The following EPB41L3 variants were observed in gnomAD, a reference collection of about 807,000 sequenced individuals.
The protein encoded by EPB41L3 is erythrocyte membrane protein band 4.1 like 3.
In EPB41L3, 57 loss-of-function variants were observed where a neutral mutation model predicts 127.1. The ratio of observed to expected loss-of-function variants is 0.45; its 90% confidence interval spans 0.36 to 0.56. EPB41L3 has a LOEUF of 0.56. EPB41L3 is among the 20% of genes least tolerant of loss of function. The pLI, the probability that EPB41L3 is intolerant of heterozygous loss-of-function variation, is 0.00. For missense variants in EPB41L3, 1,273 were observed against 1,372.2 expected, an observed-to-expected ratio of 0.93 and a Z score of 1.14; for synonymous variants, 572 against 549.5, an observed-to-expected ratio of 1.04 and a Z score of -0.57.
chr18:5,454,236 C>G (rs1228019487), intron 3 of EPB41L3, among the ~76,000 whole-genome samples: 1 of 132,144 alleles, frequency 7.6e-6, no homozygotes, highest in Non-Finnish European at 1.6e-5. Flanking sequence ...TTAATCCATA[C>G]TTGGAAAATG....
At chr18:5,605,768 C>G (rs759267227) in intron 3 of EPB41L3, among the ~76,000 whole-genome samples, 2 of 152,076 alleles carry the variant, frequency 1.3e-5, no homozygotes, top group Non-Finnish European at 2.9e-5. Flanking sequence ...AATACAAGTA[C>G]ATTCATCACT....
At position 5,424,166 on chromosome 18, in the gene EPB41L3, G is replaced by A. The variant is rs2077846210; in HGVS notation, c.1163+96C>T. 3 of 867,028 alleles carry A rather than the reference G, an allele frequency of 3.5e-6. No individual in the cohort carries two copies. In the East Asian group the frequency reaches 8.6e-5, roughly 25 times the overall value. The allele number at this position is 867,028 out of a possible 1,614,324, so 53.7% of individuals were successfully genotyped here. On this transcript the variant is annotated intron_variant, in intron 10 of 22. Coordinates refer to ENST00000341928, the MANE Select transcript of EPB41L3 (RefSeq NM_012307.5). The stretch of plus-strand genomic sequence containing the variant: ...TGGTGACAATGAACTTGAAGGGATA[G>A]AAAGAATAAAATTCCATATTTTTTA...
intron 1 of EPB41L3, among the ~76,000 whole-genome samples, chr18:5,515,283 TAA>T (rs1568471765): frequency 6.6e-6 from 1 of 152,200 alleles, no homozygotes; most frequent in Non-Finnish European, 1.5e-5. Flanking sequence ...TAGCATTCCC[TAA>T]AAAGTCTTCT....
chr18:5,474,067 TA>T (rs1398815304), intron 3 of EPB41L3, among the ~76,000 whole-genome samples: 1 of 151,798 alleles, frequency 6.6e-6, no homozygotes, highest in Non-Finnish European at 1.5e-5. Flanking sequence ...CTGTCTCTAC[TA>T]AAAATACAAA....
At chr18:5,516,357 C>CGGA (rs540777772) in intron 1 of EPB41L3, among the ~76,000 whole-genome samples, 111 of 152,290 alleles carry the variant, frequency 7.3e-4, no homozygotes, top group African/African-American at 2.6e-3. Flanking sequence ...TGCTATTTCC[C>CGGA]AGTGAGAGGA....
At chr18:5,570,577 TTTC>T (rs1349766294) in intron 3 of EPB41L3, among the ~76,000 whole-genome samples, 1 of 151,924 alleles carries the variant, frequency 6.6e-6, no homozygotes, top group African/African-American at 2.4e-5. Flanking sequence ...TTCTTTTTCT[TTTC>T]TTTTATTTTA....
At chr18:5,441,522 G>C (rs936375121) in intron 5 of EPB41L3, among the ~76,000 whole-genome samples, 1 of 150,330 alleles carries the variant, frequency 6.7e-6, no homozygotes, top group Non-Finnish European at 1.5e-5. Context: ...CTGGAGCGCA[G>C]TGGCGCGATC....
intron 1 of EPB41L3, among the ~76,000 whole-genome samples, chr18:5,493,136 T>C (rs2090790255): frequency 6.6e-6 from 1 of 152,214 alleles, no homozygotes; most frequent in African/African-American, 2.4e-5. Flanking sequence ...AATCTCCATC[T>C]CCTAACTAAA....
chr18:5,630,584 G>GC (rs943974939), upstream of EPB41L3: 1 of 505,314 alleles, frequency 2.0e-6, no homozygotes, highest in African/African-American at 2.0e-5. Flanking sequence ...GCTGGAAGGG[G>GC]CCGCCAGACC....
At chr18:5,553,170 T>C (rs2093988275) in intron 3 of EPB41L3, among the ~76,000 whole-genome samples, 1 of 152,218 alleles carries the variant, frequency 6.6e-6, no homozygotes. Context: ...TCTAAGAAGC[T>C]ACTAAAAGAC....
chr18:5,630,376 C>T (rs1389693242), upstream of EPB41L3: 1 of 518,446 alleles, frequency 1.9e-6, no homozygotes, highest in African/African-American at 1.9e-5. Context: ...AAGGCGCTCA[C>T]CTGAGTCACC....
intron 1 of EPB41L3, among the ~76,000 whole-genome samples, chr18:5,506,154 C>T (rs1445162466): frequency 6.6e-6 from 1 of 152,056 alleles, no homozygotes; most frequent in Admixed American, 6.5e-5. Context: ...CAGTGTACCT[C>T]CCAACTGGTC....
At chr18:5,503,278 C>T (rs577211963) in intron 1 of EPB41L3, among the ~76,000 whole-genome samples, 45 of 152,158 alleles carry the variant, frequency 3.0e-4, no homozygotes, top group East Asian at 5.8e-4. Flanking sequence ...CCTACATTAA[C>T]GTAACTGGAT....
rs1411662898 is a variant in EPB41L3 at position 5,397,037 on chromosome 18, G to C, written c.2841+21C>G. The C allele has an allele frequency of 6.4e-7, 1 of 1,556,440 alleles. No homozygotes were observed. Among genetic ancestry groups the C allele is most frequent in the Non-Finnish European group, 8.7e-7 (1 of 1,155,936 alleles). On this transcript the variant is annotated intron_variant, in intron 18 of 22. Coordinates refer to ENST00000341928, the MANE Select transcript of EPB41L3 (RefSeq NM_012307.5). The surrounding 1 kb of genome is among the most constrained non-coding windows in gnomAD (Gnocchi z 4.1). ...TATCAGTTTTATTTTAGTGATAAAA[G>C]TAACATTTACTACTAGTTACCTCAA...
chr18:5,395,485 T>C (rs576780923), intron 20 of EPB41L3, 124 bp downstream of exon 20: 121 of 837,366 alleles, frequency 1.4e-4, no homozygotes, highest in Admixed American at 2.7e-4. Flanking sequence ...CTTGCAGCTA[T>C]CCCGGCGTCC....
Position 5,542,676 on chromosome 18 carries a change from C to T in EPB41L3, c.-12+1237G>A, listed in dbSNP as rs567894941. 9.9e-5 allele frequency among the ~76,000 whole-genome samples: 15 copies of T among 152,248 alleles called. No homozygotes were observed. The South Asian group carries it at 1.0e-3, about 11-fold the overall frequency. Reference sequence around the variant, plus strand: ...CTTTATCATTCTATTTGTTCTGTTCCGCAACAATCTCTACCAACTTTAACC... The same window carrying T: ...CTTTATCATTCTATTTGTTCTGTTCTGCAACAATCTCTACCAACTTTAACC... On this transcript the variant is annotated intron_variant, in intron 1 of 22. Coordinates refer to ENST00000341928, the MANE Select transcript of EPB41L3 (RefSeq NM_012307.5).
chr18:5,433,578 T>C, intron 7 of EPB41L3, 22 bp from the exon 8 acceptor site: 1 of 1,590,170 alleles, frequency 6.3e-7, no homozygotes, highest in Non-Finnish European at 8.6e-7. Context: ...AAAAATATGT[T>C]ACAATGATGC....
At chr18:5,495,429 C>CAAG (rs33932743) in intron 1 of EPB41L3, among the ~76,000 whole-genome samples, 1 of 142,762 alleles carries the variant, frequency 7.0e-6, no homozygotes, top group Non-Finnish European at 1.5e-5. Context: ...CTAAATGAAA[C>CAAG]AGTAAGGCCA....
chr18:5,562,766 T>G (rs1036662257), intron 3 of EPB41L3, among the ~76,000 whole-genome samples: 5 of 152,198 alleles, frequency 3.3e-5, no homozygotes, highest in African/African-American at 1.2e-4. Context: ...CCCCTGAGGA[T>G]GTCTCATCCC....
Sources: allele counts gnomAD v4.1 joint callset (sites outside exome capture counted in the v4.1 genomes callset), GRCh38; gene constraint gnomAD v4.1.1; non-coding constraint Gnocchi (gnomAD v3.1); transcripts MANE v1.5; gene names NCBI Gene and HGNC (gene_info 2026-07-23, HGNC 2026-07-21).